Variants in NOMO3 observed in about 807,000 individuals in gnomAD.
NOMO3 encodes BOS complex subunit NOMO3.
Under a neutral mutation model 69.9 loss-of-function variants are expected in NOMO3, and 15 were observed. The ratio of observed to expected loss-of-function variants is 0.21; its 90% CI spans 0.14 to 0.33. NOMO3 has a LOEUF of 0.33. Ranked by LOEUF, NOMO3 falls within the 10% of genes least tolerant of loss-of-function variation. The probability of loss-of-function intolerance (pLI) is 1.00; values close to 1 mark genes in which losing one functional copy is unlikely to be tolerated. For synonymous variants in NOMO3, 89 were observed against 301.9 expected (o/e 0.29, Z 7.31); for missense variants, 218 against 761.0 (o/e 0.29, Z 8.39).
intron 13 of NOMO3, 36 bp from the exon 14 acceptor site, chr16:16,263,477 G>A (rs1384541357): frequency 3.5e-6 from 3 of 867,670 alleles, no homozygotes; most frequent in Non-Finnish European, 5.1e-6. Flanking sequence ...AGCCTTATAA[G>A]GGGTCACATG....
intron 12 of NOMO3, 123 bp from the exon 13 acceptor site, chr16:16,262,951 A>G: frequency 6.7e-7 from 1 of 1,489,610 alleles, no homozygotes; most frequent in East Asian, 2.5e-5. Context: ...TCAGCCTGGA[A>G]ACGAACCTTT....
intron 14 of NOMO3, 131 bp from the exon 15 acceptor site, chr16:16,264,912 T>C (rs1477956183): frequency 1.5e-5 from 9 of 592,934 alleles, no homozygotes; most frequent in Non-Finnish European, 2.5e-5. Context: ...TATGTGTATA[T>C]TTCTATCTTT....
rs2606819 is a variant in NOMO3, at chr16:16,257,337, G to C, written c.1220+1179G>C. 9.5e-3 allele frequency among the ~76,000 whole-genome samples: 1,187 copies of C among 124,790 alleles called. 2 individuals carry two copies. The highest frequency in any genetic ancestry group is 0.012 in the African/African-American group (354 of 28,620). The allele number at this position is 124,790 out of a possible 152,430, so 81.9% of individuals were successfully genotyped here. A position where few individuals can be genotyped will look rare whatever the true frequency, so the allele number is the denominator to read the frequency against. On this transcript the variant is annotated intron_variant, in intron 11 of 30. Transcript: ENST00000399336. Reference sequence around the variant, plus strand: ...AGGGGACAGGACTTGGGCACAGGAGGTCTGAAAGCAGAGACGACAAGGGCT... The same window carrying C: ...AGGGGACAGGACTTGGGCACAGGAGCTCTGAAAGCAGAGACGACAAGGGCT...
intron 9 of NOMO3, 135 bp from the exon 10 acceptor site, chr16:16,255,585 A>G: frequency 1.6e-6 from 1 of 636,688 alleles, no homozygotes; most frequent in Non-Finnish European, 2.8e-6. Flanking sequence ...GCTGGCACAC[A>G]GGACCGGGGC....
At chr16:16,249,710 G>A (rs2141251670) in intron 6 of NOMO3, among the ~76,000 whole-genome samples, 1 of 144,122 alleles carries the variant, frequency 6.9e-6, no homozygotes, top group South Asian at 2.3e-4. Context: ...ATATGAGATT[G>A]GGATTTTCAA....
chr16:16,260,404 A>AG (rs2049553439), intron 11 of NOMO3, among the ~76,000 whole-genome samples: 1 of 140,218 alleles, frequency 7.1e-6, no homozygotes, highest in East Asian at 2.3e-4. Flanking sequence ...CACAAACGGG[A>AG]GGGGGGTCCT....
intron 16 of NOMO3, among the ~76,000 whole-genome samples, chr16:16,268,393 C>T (rs2049636342): frequency 6.9e-6 from 1 of 145,938 alleles, no homozygotes; most frequent in African/African-American, 2.7e-5. Context: ...ACCTCCTTCG[C>T]CAACATTTGT....
At chr16:16,262,718 G>C (rs1427919725) in intron 12 of NOMO3, among the ~76,000 whole-genome samples, 2 of 138,676 alleles carry the variant, frequency 1.4e-5, no homozygotes, top group Non-Finnish European at 3.0e-5. Flanking sequence ...GTGTTGACAG[G>C]TTCAGAGCTT....
At chr16:16,263,286 A>T in intron 13 of NOMO3, 71 bp downstream of exon 13, 3 of 1,594,864 alleles carry the variant, frequency 1.9e-6, no homozygotes, top group Non-Finnish European at 2.5e-6. Context: ...GATTTGGGAA[A>T]CTTTTTGTTT....
chr16:16,237,073 C>T lies in NOMO3; in HGVS notation c.255+83C>T. 13 of 1,574,680 alleles carry T rather than the reference C, an allele frequency of 8.3e-6. 1 individual carries two copies. Among genetic ancestry groups the T allele is most frequent in the East Asian group, 2.5e-5 (1 of 40,296 alleles). On this transcript the variant is annotated intron_variant, in intron 2 of 30. Transcript: ENST00000399336. The stretch of plus-strand genomic sequence containing the variant: ...TGCATTAACCATGTCCTTTCCTACA[C>T]TAGCAAATGCTCATCTGTTTTGTAA...
intron 1 of NOMO3, among the ~76,000 whole-genome samples, chr16:16,235,024 C>T (rs983471761): frequency 7.2e-5 from 11 of 151,944 alleles, no homozygotes; most frequent in African/African-American, 2.7e-4. Flanking sequence ...AATTTCCAGT[C>T]CCTGCCTTAA....
At position 16,232,717 on chromosome 16, in the gene NOMO3, C is replaced by T. The variant is rs1393796719; in HGVS notation, c.51C>T (p.Ala17=). Reference sequence around the variant, plus strand: ...CGCTGGGGCCCGCGGTGGTCACCGCCGCGGTGGTGCTGCTGCTGAGCGGCG... The same window carrying T: ...CGCTGGGGCCCGCGGTGGTCACCGCTGCGGTGGTGCTGCTGCTGAGCGGCG... ...AGPLGPAVVT[A]AVVLLLSGVG... Residue 17 remains alanine, a synonymous_variant, in exon 1 of 31, where the codon GCC becomes GCT. Transcript: ENST00000399336. 5.4e-6 allele frequency: 4 copies of T among 743,576 alleles called. No individual in the cohort carries two copies. The African/African-American group carries it at 6.4e-5, about 12-fold the overall frequency. The allele number at this position is 743,576 out of a possible 1,614,324, so 46.1% of individuals were successfully genotyped here.
At position 16,265,278 on chromosome 16, in the gene NOMO3, C is replaced by T. The variant is rs183021520; in HGVS notation, c.1806+99C>T. 551 of 1,581,260 alleles carry T rather than the reference C, an allele frequency of 3.5e-4. 37 individuals are homozygous for T. Among genetic ancestry groups the T allele is most frequent in the East Asian group, 2.2e-3 (86 of 39,468 alleles). Reference sequence around the variant, plus strand: ...AGGAATATTGTAAACGTAGGCAAGTCAGATTTCCTTTTCTGCCTCTGCACT... The same window carrying T: ...AGGAATATTGTAAACGTAGGCAAGTTAGATTTCCTTTTCTGCCTCTGCACT... On this transcript the variant is annotated intron_variant, in intron 15 of 30. Coordinates refer to ENST00000399336, the MANE Select transcript of NOMO3 (RefSeq NM_001004067.4).
At position 16,258,735 on chromosome 16, in the gene NOMO3, C is replaced by T. The variant is rs1014746908; in HGVS notation, c.1220+2577C>T. Among the ~76,000 whole-genome samples, 12 of 142,992 alleles carry T rather than the reference C, an allele frequency of 8.4e-5. 2 individuals carry two copies. Among genetic ancestry groups the T allele is most frequent in the South Asian group, 4.4e-4 (2 of 4,548 alleles). 93.8% of individuals were successfully genotyped at this position (142,992 alleles called of 152,430 possible). A position where few individuals can be genotyped will look rare whatever the true frequency, so the allele number is the denominator to read the frequency against. On this transcript the variant is annotated intron_variant, in intron 11 of 30. Transcript: ENST00000399336. ...AAAAGGTTGGCGGGGCATGGTGATG[C>T]GCGCCTATAATCCCAGCAACTCAGG...
chr16:16,261,103 G>A (rs2049561558), intron 11 of NOMO3: 1 of 214,938 alleles, frequency 4.7e-6, no homozygotes, highest in Non-Finnish European at 8.7e-6. Context: ...GCAGCTTAGA[G>A]CTCTTGCTTT....
At chr16:16,260,275 C>T (rs1212828573) in intron 11 of NOMO3, among the ~76,000 whole-genome samples, 1 of 131,938 alleles carries the variant, frequency 7.6e-6, no homozygotes, top group Non-Finnish European at 1.5e-5. Context: ...CATTTTTGGA[C>T]ACCACAGTTT....
intron 15 of NOMO3, among the ~76,000 whole-genome samples, chr16:16,266,213 G>A (rs1462601370): frequency 1.5e-5 from 2 of 136,190 alleles, no homozygotes; most frequent in Admixed American, 7.1e-5. Flanking sequence ...AGAAGAATTG[G>A]AACTGGTGTT....
intron 11 of NOMO3, among the ~76,000 whole-genome samples, chr16:16,259,612 G>A (rs1302178200): frequency 9.4e-6 from 1 of 106,266 alleles, no homozygotes. Flanking sequence ...ATTACAGGCT[G>A]AGCCATGGTG....
chr16:16,249,422 A>G (rs899876949), intron 6 of NOMO3, among the ~76,000 whole-genome samples: 13 of 141,246 alleles, frequency 9.2e-5, no homozygotes, highest in Admixed American at 7.6e-4. Context: ...TCTACTAAAA[A>G]TAGAAAAAAA....
Sources: gnomAD v4.1 joint callset for allele counts (sites outside exome capture counted in the v4.1 genomes callset) on GRCh38, gnomAD v4.1.1 for gene constraint, MANE v1.5 for transcripts, NCBI Gene and HGNC (gene_info 2026-07-23, HGNC 2026-07-21) for gene names.